The following GREB1 variants were observed in gnomAD, a reference collection of about 807,000 sequenced individuals.
GREB1 encodes growth regulating estrogen receptor binding 1, also known as protein GREB1.
GREB1 carries 106 observed loss-of-function variants against 200.7 expected under a neutral mutation model. The ratio of observed to expected loss-of-function variants is 0.53; its 90% confidence interval spans 0.45 to 0.62. The LOEUF (loss-of-function observed/expected upper bound fraction) is 0.62, where lower values mean the gene tolerates loss of function less well. Ranked by LOEUF, GREB1 falls within the 20% of genes least tolerant of loss-of-function variation. GREB1 has a pLI of 0.00. For synonymous variants in GREB1, 1,132 were observed against 1,092.4 expected (o/e 1.04, Z -0.72); for missense variants, 2,243 against 2,556.8 (o/e 0.88, Z 2.65).
At chr2:11,635,195 T>TC in intron 29 of GREB1, 75 bp from the exon 30 acceptor site, 1 of 1,572,664 alleles carries the variant, frequency 6.4e-7, no homozygotes, top group Non-Finnish European at 8.7e-7. Context: ...GGACCCACAC[T>TC]CTAGGTGCTG....
intron 1 of GREB1, among the ~76,000 whole-genome samples, chr2:11,527,026 A>G (rs1283293979): frequency 6.6e-6 from 1 of 152,162 alleles, no homozygotes; most frequent in Non-Finnish European, 1.5e-5. Context: ...ACAGACACCC[A>G]CATCCTGCCC....
chr2:11,640,611 G>A lies in GREB1; in HGVS notation c.*157G>A, dbSNP rs1056259236. ...CTAGTACACATGGGCCCCCGAGGCC[G>A]TGGTCCTGGGAGCCAGGAAGACTCC... On this transcript the variant is annotated 3_prime_UTR_variant, in exon 33 of 33. Coordinates refer to ENST00000381486, the MANE Select transcript of GREB1 (RefSeq NM_014668.4). This position sits in a 1 kb window ranked among gnomAD's most constrained non-coding sequence, Gnocchi z 4.6. 1.0e-5 allele frequency: 8 copies of A among 780,668 alleles called. No individual in the cohort carries two copies. Among genetic ancestry groups the A allele is most frequent in the South Asian group, 5.4e-5 (3 of 55,080 alleles). 48.4% of individuals were successfully genotyped at this position (780,668 alleles called of 1,614,324 possible).
chr2:11,565,567 C>A (rs1196666319), intron 3 of GREB1, among the ~76,000 whole-genome samples: 1 of 152,190 alleles, frequency 6.6e-6, no homozygotes, highest in African/African-American at 2.4e-5. Context: ...CCTGGAAAAG[C>A]CTTATCCAAA....
At chr2:11,578,711 C>T (rs1024563513) in intron 6 of GREB1, among the ~76,000 whole-genome samples, 11 of 152,188 alleles carry the variant, frequency 7.2e-5, no homozygotes, top group Admixed American at 3.9e-4. Flanking sequence ...CCCCAACCCC[C>T]GCACAGCATA....
chr2:11,598,679 G>T lies in GREB1; in HGVS notation c.2153-1G>T. On this transcript the variant is annotated splice_acceptor_variant, in intron 14 of 32. Coordinates refer to ENST00000381486, the MANE Select transcript of GREB1 (RefSeq NM_014668.4). LOFTEE classifies it high-confidence loss of function. The stretch of plus-strand genomic sequence containing the variant: ...ACTGATGTATGTTCTTTGTGTTGCA[G>T]GGGTTTTGCTGGAGCTTGGTCTGAA... The T allele has an allele frequency of 1.2e-6, 2 of 1,613,820 alleles. No individual in the cohort carries two copies. The highest frequency in any genetic ancestry group is 2.2e-5 in the South Asian group (2 of 91,036).
chr2:11,621,025 G>C lies in GREB1; in HGVS notation c.4147+18G>C. The C allele has an allele frequency of 2.1e-6, 3 of 1,406,840 alleles. No individual in the cohort carries two copies. Among genetic ancestry groups the C allele is most frequent in the Non-Finnish European group, 3.0e-6 (3 of 990,720 alleles). 87.1% of individuals were successfully genotyped at this position (1,406,840 alleles called of 1,614,324 possible). A position where few individuals can be genotyped will look rare whatever the true frequency, so the allele number is the denominator to read the frequency against. On this transcript the variant is annotated intron_variant, in intron 23 of 32. Transcript: ENST00000381486. ...CAATATCAGTGAGTTATCTGTTTGGGGTTATGTGGGCTTGGAGCCACCTTC... is the reference window on the plus strand; with the variant it reads ...CAATATCAGTGAGTTATCTGTTTGGCGTTATGTGGGCTTGGAGCCACCTTC...
In GREB1 at chr2:11,633,359, G is replaced by A. The variant is rs994569324; in HGVS notation, c.4991+296G>A. Among the ~76,000 whole-genome samples, 16 of 151,984 alleles carry A rather than the reference G, an allele frequency of 1.1e-4. No individual in the cohort carries two copies. Among genetic ancestry groups the A allele is most frequent in the Admixed American group, 1.3e-4 (2 of 15,262 alleles). On this transcript the variant is annotated intron_variant, in intron 28 of 32. Coordinates refer to ENST00000381486, the MANE Select transcript of GREB1 (RefSeq NM_014668.4). The surrounding 1 kb of genome is among the most constrained non-coding windows in gnomAD (Gnocchi z 4.1). ...GGGTGGATCACGAGGTCAGGAGATC[G>A]AGACCATCCTGGCTAACACGGTGAA...
chr2:11,637,285 TA>T (rs1685459174), intron 30 of GREB1, among the ~76,000 whole-genome samples: 1 of 150,176 alleles, frequency 6.7e-6, no homozygotes, highest in African/African-American at 2.4e-5. Flanking sequence ...TACGTAGATG[TA>T]AACGTGTTGG....
intron 1 of GREB1, among the ~76,000 whole-genome samples, chr2:11,539,153 A>G (rs1281092296): frequency 1.3e-5 from 2 of 151,348 alleles, no homozygotes; most frequent in Admixed American, 1.3e-4. Context: ...CCTGGGCTCA[A>G]GCGATCCTCC....
In GREB1 at chr2:11,576,317, AAAAG is replaced by A. The variant is rs763740301; in HGVS notation, c.455-30_455-27del. On this transcript the variant is annotated intron_variant, in intron 4 of 32. Transcript: ENST00000381486. Reference sequence around the variant, plus strand: ...AACGAGACTTCATCTCAAAAAAAAAAAAAGAAAGATGTTTATGGTTTACTTCCTT... The same window carrying A: ...AACGAGACTTCATCTCAAAAAAAAAAAAAGATGTTTATGGTTTACTTCCTT... The A allele has an allele frequency of 2.0e-5, 31 of 1,552,216 alleles. No individual in the cohort carries two copies. The East Asian group carries it at 4.9e-4, about 25-fold the overall frequency.
intron 1 of GREB1, among the ~76,000 whole-genome samples, chr2:11,543,157 C>T (rs1674927271): frequency 6.6e-6 from 1 of 152,106 alleles, no homozygotes; most frequent in Non-Finnish European, 1.5e-5. Context: ...AGTTGGGAAG[C>T]TGGCAGAAGG....
rs1261191930 is a variant in GREB1, at chr2:11,493,383, T to C, written c.-159+11002T>C. Among the ~76,000 whole-genome samples the C allele has an allele frequency of 1.3e-5, 2 of 152,138 alleles. No individual in the cohort carries two copies. Among genetic ancestry groups the C allele is most frequent in the Non-Finnish European group, 2.9e-5 (2 of 68,030 alleles). On this transcript the variant is annotated intron_variant, in intron 1 of 2. Transcript: ENST00000628795. This position sits in a 1 kb window ranked among gnomAD's most constrained non-coding sequence, Gnocchi z 4.6. ...TCTCATAAGGAGCGTGCAACCTGGA[T>C]CCCTTGTAGGCGCAGTTCACAATAG...
chr2:11,614,709 G>A (rs190075390), intron 19 of GREB1, among the ~76,000 whole-genome samples: 3,363 of 152,066 alleles, frequency 0.022, 43 homozygotes, highest in Non-Finnish European at 0.032. Context: ...GACTACAGGC[G>A]CCCGCCACCA....
intron 28 of GREB1, 71 bp from the exon 29 acceptor site, chr2:11,634,060 C>T: frequency 7.0e-7 from 1 of 1,420,982 alleles, no homozygotes. Context: ...CGGTGCCACA[C>T]TGCCTGGTCC....
chr2:11,592,883 C>A lies in GREB1; in HGVS notation c.1453C>A (p.Pro485Thr). Residue 485 changes from proline (P) to threonine (T), a missense_variant, in exon 11 of 33, where the codon CCC becomes ACC. Pro to Thr is a conservative substitution (Grantham distance 38). Coordinates refer to ENST00000381486, the MANE Select transcript of GREB1 (RefSeq NM_014668.4). ...GCAGTACCAGCAGGCGCCGCCGCAG[C>A]CCTTCCCGCCCGCGCCCAGCGCCGC... is the stretch of plus-strand genomic sequence containing the variant. Reference protein sequence around the residue: ...IRQYQQAPPQPFPPAPSAAAP... With the variant: ...IRQYQQAPPQTFPPAPSAAAP... 6.3e-7 allele frequency: 1 copy of A among 1,598,480 alleles called. No homozygotes were observed. Among genetic ancestry groups the A allele is most frequent in the Non-Finnish European group, 8.5e-7 (1 of 1,173,810 alleles).
chr2:11,508,711 C>T (rs577860182), intron 1 of GREB1, among the ~76,000 whole-genome samples: 2 of 152,230 alleles, frequency 1.3e-5, no homozygotes, highest in Admixed American at 6.5e-5. Flanking sequence ...TGGCTTGCAC[C>T]GTGTTGAAGA....
chr2:11,534,707 A>G lies in GREB1; in HGVS notation c.-162+453A>G, dbSNP rs184325693. Among the ~76,000 whole-genome samples the G allele has an allele frequency of 5.2e-3, 789 of 152,170 alleles. 9 individuals are homozygous for G. The highest frequency in any genetic ancestry group is 0.018 in the African/African-American group (764 of 41,518). The stretch of plus-strand genomic sequence containing the variant: ...AGTGTGGCCCTCAGTCTTCCTGAGG[A>G]TGGTAATTAGAGGGGGATGTGTGCT... On this transcript the variant is annotated intron_variant, in intron 1 of 32. Coordinates refer to ENST00000381486, the MANE Select transcript of GREB1 (RefSeq NM_014668.4).
chr2:11,552,378 T>TGGTCAG, intron 1 of GREB1, among the ~76,000 whole-genome samples: 1 of 152,178 alleles, frequency 6.6e-6, no homozygotes, highest in Non-Finnish European at 1.5e-5. Flanking sequence ...AGAGAACGAG[T>TGGTCAG]GGTCAGGGCC....
At position 11,640,730 on chromosome 2, in the gene GREB1, T is replaced by C; in HGVS notation, c.*276T>C. 2.5e-6 allele frequency: 1 copy of C among 407,222 alleles called. No homozygotes were observed. The highest frequency in any genetic ancestry group is 4.3e-6 in the Non-Finnish European group (1 of 230,218). 25.2% of individuals were successfully genotyped at this position (407,222 alleles called of 1,614,324 possible). On this transcript the variant is annotated 3_prime_UTR_variant, in exon 33 of 33. Coordinates refer to ENST00000381486, the MANE Select transcript of GREB1 (RefSeq NM_014668.4). The surrounding 1 kb of genome is among the most constrained non-coding windows in gnomAD (Gnocchi z 4.6). Reference sequence around the variant, plus strand: ...AAGCCCATTTCACGAGGAACAAAGATTTACTTCCTGTCCTGCCATTCGTGT... The same window carrying C: ...AAGCCCATTTCACGAGGAACAAAGACTTACTTCCTGTCCTGCCATTCGTGT...
Sources: gnomAD v4.1 joint callset for allele counts (sites outside exome capture counted in the v4.1 genomes callset) on GRCh38, gnomAD v4.1.1 for gene constraint, Gnocchi (gnomAD v3.1) non-coding constraint, MANE v1.5 for transcripts, NCBI Gene and HGNC (gene_info 2026-07-23, HGNC 2026-07-21) for gene names.